Variants in CBR4 observed in about 807,000 individuals in gnomAD.
CBR4 encodes 3-oxoacyl-[acyl-carrier-protein] reductase.
In CBR4, 22 loss-of-function variants were observed where a neutral mutation model predicts 21.0. The observed-to-expected ratio is 1.05, with a 90% CI of 0.75 to 1.50. The LOEUF (loss-of-function observed/expected upper bound fraction) is 1.50, where lower values mean the gene tolerates loss of function less well. Among genes scored for constraint, CBR4 ranks in the 40% most tolerant of loss-of-function variants. The pLI is 0.00. For missense variants in CBR4, 302 were observed against 286.3 expected (o/e 1.05, Z -0.40); for synonymous variants, 100 against 104.4 (o/e 0.96, Z 0.26).
At position 168,988,792 on chromosome 4, in the gene CBR4, C is replaced by G. The variant is rs1764781893; in HGVS notation, c.*1358G>C. On this transcript the variant is annotated 3_prime_UTR_variant, in exon 5 of 5. Transcript: ENST00000306193. ...TAAATTTAAAATAATTTTTAAGGAA[C>G]CCAGAATTTTTATTTAGAACACTGC... 1.0e-6 allele frequency: 1 copy of G among 954,444 alleles called. No individual in the cohort carries two copies. Among genetic ancestry groups the G allele is most frequent in the South Asian group, 4.8e-5 (1 of 20,724 alleles). 59.1% of individuals were successfully genotyped at this position (954,444 alleles called of 1,614,324 possible).
intron 1 of CBR4, among the ~76,000 whole-genome samples, chr4:169,007,970 T>C (rs150116245): frequency 6.6e-6 from 1 of 152,314 alleles, no homozygotes; most frequent in East Asian, 1.9e-4. Flanking sequence ...CTACAGAAAG[T>C]TAATTTTAAA....
intron 2 of CBR4, among the ~76,000 whole-genome samples, chr4:168,941,687 C>T (rs1204904317): frequency 2.6e-5 from 4 of 152,148 alleles, no homozygotes; most frequent in East Asian, 1.9e-4. Context: ...CCACCAACAG[C>T]GTAAAAGCCT....
At chr4:168,917,616 AT>A (rs1760465111) in intron 2 of CBR4, among the ~76,000 whole-genome samples, 1 of 152,182 alleles carries the variant, frequency 6.6e-6, no homozygotes, top group Non-Finnish European at 1.5e-5. Context: ...CTGGTTCTGT[AT>A]GGAATATGAG....
At chr4:168,938,100 C>T (rs2126671572) in intron 2 of CBR4, among the ~76,000 whole-genome samples, 1 of 152,224 alleles carries the variant, frequency 6.6e-6, no homozygotes, top group South Asian at 2.1e-4. Flanking sequence ...GAATGGAAAT[C>T]ATAACAAACA....
intron 2 of CBR4, among the ~76,000 whole-genome samples, chr4:168,911,393 G>A (rs115718515): frequency 0.024 from 3,626 of 152,238 alleles, 68 homozygotes; most frequent in Non-Finnish European, 0.035. Context: ...CACAAGGAAG[G>A]ATATATCCAA....
intron 2 of CBR4, among the ~76,000 whole-genome samples, chr4:168,931,908 CT>C (rs1011987219): frequency 4.3e-4 from 66 of 151,896 alleles, no homozygotes; most frequent in Admixed American, 2.1e-3. Context: ...CACACCCCCC[CT>C]AACTGACACT....
At chr4:168,976,182 G>T (rs552419482) in intron 2 of CBR4, among the ~76,000 whole-genome samples, 9 of 152,188 alleles carry the variant, frequency 5.9e-5, no homozygotes, top group Non-Finnish European at 1.3e-4. Context: ...CAGCTAGGAG[G>T]TTCCTTCACT....
At chr4:168,964,739 C>T (rs1311999303) in intron 2 of CBR4, among the ~76,000 whole-genome samples, 1 of 152,176 alleles carries the variant, frequency 6.6e-6, no homozygotes, top group Non-Finnish European at 1.5e-5. Flanking sequence ...GCAAGAAAAG[C>T]TCTGTCAGGA....
chr4:168,921,735 G>A lies in CBR4; in HGVS notation n.170-26970C>T, dbSNP rs764754301. The stretch of plus-strand genomic sequence containing the variant: ...GAACTCATTCAGCCTGGAGCTTGTG[G>A]TTGCTGGTAGGCTCATCTGTGAATC... On this transcript the variant is annotated intron_variant and non_coding_transcript_variant, in intron 2 of 3. Transcript: ENST00000509108. The A allele has an allele frequency of 7.5e-6, 12 of 1,610,684 alleles. No homozygotes were observed. Among genetic ancestry groups the A allele is most frequent in the Admixed American group, 3.3e-5 (2 of 59,884 alleles).
chr4:168,976,178 G>T (rs1293833500), intron 2 of CBR4, among the ~76,000 whole-genome samples: 1 of 152,190 alleles, frequency 6.6e-6, no homozygotes, highest in Non-Finnish European at 1.5e-5. Context: ...AATTCAGCTA[G>T]GAGGTTCCTT....
intron 2 of CBR4, among the ~76,000 whole-genome samples, chr4:168,944,411 G>C (rs991281370): frequency 6.6e-6 from 1 of 151,988 alleles, no homozygotes; most frequent in African/African-American, 2.4e-5. Flanking sequence ...CCAGGAGTTT[G>C]AAGTTACAAT....
chr4:168,935,080 T>G (rs1763071007), intron 2 of CBR4, among the ~76,000 whole-genome samples: 2 of 152,154 alleles, frequency 1.3e-5, no homozygotes, highest in African/African-American at 4.8e-5. Flanking sequence ...GGTACCCAGC[T>G]CATCTCATTG....
chr4:168,990,069 C>A lies in CBR4; in HGVS notation c.*81G>T. The A allele has an allele frequency of 2.2e-6, 3 of 1,376,338 alleles. No individual in the cohort carries two copies. Among genetic ancestry groups the A allele is most frequent in the Non-Finnish European group, 2.8e-6 (3 of 1,056,346 alleles). The allele number at this position is 1,376,338 out of a possible 1,614,324, so 85.3% of individuals were successfully genotyped here. On this transcript the variant is annotated 3_prime_UTR_variant, in exon 5 of 5. Coordinates refer to ENST00000306193, the MANE Select transcript of CBR4 (RefSeq NM_032783.5). Reference sequence around the variant, plus strand: ...CAGCAGGTTTGATTAGCACATGTTACCCATGTAGGTATAATTGTCTAATCA... The same window carrying A: ...CAGCAGGTTTGATTAGCACATGTTAACCATGTAGGTATAATTGTCTAATCA...
chr4:168,986,997 T>A (rs987318495), downstream of CBR4, among the ~76,000 whole-genome samples: 1 of 152,168 alleles, frequency 6.6e-6, no homozygotes, highest in South Asian at 2.1e-4. Flanking sequence ...TATCTCCACA[T>A]TTCCCTCACC....
intron 2 of CBR4, among the ~76,000 whole-genome samples, chr4:168,894,970 AT>A (rs1754798021): frequency 6.6e-6 from 1 of 152,160 alleles, no homozygotes; most frequent in Non-Finnish European, 1.5e-5. Flanking sequence ...ATGCAAAATA[AT>A]TTTGTGTGGA....
rs112834307 is a variant in CBR4 at position 169,001,779 on chromosome 4, A to T, written c.535+292T>A. 8.4e-4 allele frequency: 150 copies of T among 179,310 alleles called. 1 individual carries two copies. Among genetic ancestry groups the T allele is most frequent in the African/African-American group, 3.4e-3 (144 of 42,652 alleles). 11.1% of individuals were successfully genotyped at this position (179,310 alleles called of 1,614,324 possible). On this transcript the variant is annotated intron_variant, in intron 4 of 4. Transcript: ENST00000306193. The stretch of plus-strand genomic sequence containing the variant: ...CTGGGCCTCACCAGAAGCTGAGCAG[A>T]TGTTGGTGTCATGCTTGTACAGCCT...
Position 168,927,352 on chromosome 4 carries a change from ACAAGT to A in CBR4, n.170-32592_170-32588del, listed in dbSNP as rs1268721099. ...ATAGGTGAAAAAAACACTGCCATTCACAAGTCAAGGAACCCAGGGCCAGCTGGAAG... is the reference window on the plus strand; with the variant it reads ...ATAGGTGAAAAAAACACTGCCATTCACAAGGAACCCAGGGCCAGCTGGAAG... On this transcript the variant is annotated intron_variant and non_coding_transcript_variant, in intron 2 of 3. Transcript: ENST00000509108. The A allele has an allele frequency of 5.2e-5, 12 of 232,616 alleles. No homozygotes were observed. The Admixed American group carries it at 6.8e-4, about 13-fold the overall frequency. 14.4% of individuals were successfully genotyped at this position (232,616 alleles called of 1,614,324 possible). A position where few individuals can be genotyped will look rare whatever the true frequency, so the allele number is the denominator to read the frequency against.
intron 2 of CBR4, chr4:168,904,117 C>A: frequency 3.5e-6 from 2 of 568,566 alleles, no homozygotes; most frequent in Non-Finnish European, 6.3e-6. Context: ...TATTCTACTC[C>A]TTCCACAAAT....
intron 2 of CBR4, among the ~76,000 whole-genome samples, chr4:168,953,793 A>C (rs1378529465): frequency 6.6e-6 from 1 of 152,130 alleles, no homozygotes; most frequent in Non-Finnish European, 1.5e-5. Flanking sequence ...ATTTTAAGAC[A>C]GCATCTAATA....
Sources: allele counts gnomAD v4.1 joint callset (sites outside exome capture counted in the v4.1 genomes callset), GRCh38; gene constraint gnomAD v4.1.1; transcripts MANE v1.5; gene names NCBI Gene and HGNC (gene_info 2026-07-23, HGNC 2026-07-21).